MTHFD2L: variants seen among roughly 807,000 people sequenced by gnomAD.
The protein encoded by MTHFD2L is bifunctional methylenetetrahydrofolate dehydrogenase/cyclohydrolase 2, mitochondrial.
A neutral mutation model predicts 34.9 loss-of-function variants in MTHFD2L; 29 were observed. That is an observed-to-expected ratio of 0.83 (90% CI 0.62 to 1.13). The LOEUF is 1.13. Among genes scored for constraint, MTHFD2L ranks in the 50% most tolerant of loss-of-function variants. MTHFD2L has a pLI of 0.00. For missense variants in MTHFD2L, 481 were observed against 446.5 expected, an observed-to-expected ratio of 1.08 and a Z score of -0.70; for synonymous variants, 167 against 155.7, an observed-to-expected ratio of 1.07 and a Z score of -0.54.
At chr4:74,248,994 G>A (rs1008066426) in intron 6 of MTHFD2L, among the ~76,000 whole-genome samples, 1 of 152,114 alleles carries the variant, frequency 6.6e-6, no homozygotes, top group Non-Finnish European at 1.5e-5. Flanking sequence ...ATGTGTATTA[G>A]GTCTGCTTGG....
intron 7 of MTHFD2L, among the ~76,000 whole-genome samples, chr4:74,291,041 G>T: frequency 3.4e-5 from 1 of 29,194 alleles, no homozygotes; most frequent in Admixed American, 7.0e-4. Context: ...TTTTTGAGAT[G>T]GAGTCTTGCT....
intron 6 of MTHFD2L, among the ~76,000 whole-genome samples, chr4:74,252,292 C>A (rs983670426): frequency 6.6e-6 from 1 of 151,782 alleles, no homozygotes; most frequent in East Asian, 2.0e-4. Context: ...ATTATTGGAG[C>A]CTTGGCTAAG....
At chr4:74,206,037 A>G (rs1735237093) in intron 5 of MTHFD2L, among the ~76,000 whole-genome samples, 1 of 151,942 alleles carries the variant, frequency 6.6e-6, no homozygotes. Context: ...ATCATTGTAT[A>G]TTTGTAACCA....
At chr4:74,132,306 A>G (rs1722578419) in intron 1 of MTHFD2L, among the ~76,000 whole-genome samples, 1 of 152,170 alleles carries the variant, frequency 6.6e-6, no homozygotes, top group African/African-American at 2.4e-5. Context: ...TTCTTGCAGC[A>G]CTATAGCAAT....
chr4:74,206,071 C>G (rs2110069486), intron 5 of MTHFD2L, among the ~76,000 whole-genome samples: 1 of 151,022 alleles, frequency 6.6e-6, no homozygotes, highest in Non-Finnish European at 1.5e-5. Flanking sequence ...ATGCTCTCTG[C>G]TTGTGTAGTT....
chr4:74,164,910 C>T (rs1421985083), intron 1 of MTHFD2L: 3 of 946,524 alleles, frequency 3.2e-6, no homozygotes, highest in Non-Finnish European at 3.8e-6. Context: ...CTTTTCTTGC[C>T]TTTAGGGGAA....
chr4:74,149,223 T>C (rs1723784676), intron 1 of MTHFD2L, among the ~76,000 whole-genome samples: 1 of 151,882 alleles, frequency 6.6e-6, no homozygotes, highest in South Asian at 2.1e-4. Context: ...GGTTATTTTG[T>C]ATCCTTTTTG....
At chr4:74,131,425 A>G (rs1439531055) in intron 1 of MTHFD2L, among the ~76,000 whole-genome samples, 1 of 152,194 alleles carries the variant, frequency 6.6e-6, no homozygotes, top group Non-Finnish European at 1.5e-5. Context: ...CTCAGAAATA[A>G]CACCACTCAT....
At chr4:74,120,905 G>T (rs923362292), upstream of MTHFD2L, among the ~76,000 whole-genome samples, 7 of 152,192 alleles carry the variant, frequency 4.6e-5, no homozygotes, top group African/African-American at 1.4e-4. Flanking sequence ...TTGCTTACTT[G>T]TGTGACATAT....
intron 6 of MTHFD2L, among the ~76,000 whole-genome samples, chr4:74,232,468 A>C (rs1401406903): frequency 6.6e-6 from 1 of 152,006 alleles, no homozygotes; most frequent in African/African-American, 2.4e-5. Context: ...TTCCCACCTC[A>C]GGCTATTCTG....
intron 7 of MTHFD2L, among the ~76,000 whole-genome samples, chr4:74,290,318 T>G (rs1019273899): frequency 6.6e-6 from 1 of 152,148 alleles, no homozygotes; most frequent in African/African-American, 2.4e-5. Context: ...GTAAGCAGCT[T>G]TCTATGTTTT....
chr4:74,123,593 A>T (rs1198124359), upstream of MTHFD2L, among the ~76,000 whole-genome samples: 2 of 152,122 alleles, frequency 1.3e-5, no homozygotes, highest in Non-Finnish European at 2.9e-5. Flanking sequence ...GGCCTTAGAC[A>T]TTTTTACCTT....
At chr4:74,203,529 C>T (rs1490600932) in intron 5 of MTHFD2L, among the ~76,000 whole-genome samples, 4 of 152,170 alleles carry the variant, frequency 2.6e-5, no homozygotes, top group Admixed American at 2.6e-4. Flanking sequence ...GAGGCATCTC[C>T]TAGGCCTTTA....
chr4:74,223,407 G>A (rs1180326711), intron 5 of MTHFD2L, among the ~76,000 whole-genome samples: 1 of 152,028 alleles, frequency 6.6e-6, no homozygotes, highest in Admixed American at 6.6e-5. Flanking sequence ...ATAAGTAGGA[G>A]CTAAATGATG....
At chr4:74,286,566 C>T (rs536661567) in intron 7 of MTHFD2L, among the ~76,000 whole-genome samples, 8 of 152,158 alleles carry the variant, frequency 5.3e-5, no homozygotes, top group Admixed American at 3.3e-4. Flanking sequence ...TTAATTATAC[C>T]GTTCTTAATT....
chr4:74,216,439 C>T (rs1737224780), intron 5 of MTHFD2L, among the ~76,000 whole-genome samples: 1 of 151,758 alleles, frequency 6.6e-6, no homozygotes, highest in Admixed American at 6.6e-5. Context: ...TGGAAAAATC[C>T]CAGTGTGGTC....
chr4:74,287,512 C>G (rs1021848080), intron 7 of MTHFD2L, among the ~76,000 whole-genome samples: 1 of 152,026 alleles, frequency 6.6e-6, no homozygotes, highest in Admixed American at 6.6e-5. Context: ...GTTGGGAGAC[C>G]GAGGAGTGTG....
intron 5 of MTHFD2L, among the ~76,000 whole-genome samples, chr4:74,204,476 T>C (rs1734969993): frequency 6.6e-6 from 1 of 152,172 alleles, no homozygotes; most frequent in South Asian, 2.1e-4. Flanking sequence ...ATTTGGATTT[T>C]ATTTTCTTCT....
intron 3 of MTHFD2L, among the ~76,000 whole-genome samples, chr4:74,178,344 T>C (rs1729451027): frequency 6.6e-6 from 1 of 152,134 alleles, no homozygotes; most frequent in South Asian, 2.1e-4. Context: ...TCTTTGTTAA[T>C]TTAAAAGTAT....
Sources: allele counts gnomAD v4.1 joint callset (sites outside exome capture counted in the v4.1 genomes callset), GRCh38; gene constraint gnomAD v4.1.1; transcripts MANE v1.5; gene names NCBI Gene and HGNC (gene_info 2026-07-23, HGNC 2026-07-21).